The following LRP1 variants were observed in gnomAD, a reference collection of about 807,000 sequenced individuals.
LRP1 encodes LDL receptor related protein 1, also known as prolow-density lipoprotein receptor-related protein 1.
LRP1 carries 51 observed loss-of-function variants against 541.5 expected under a neutral mutation model. The ratio of observed to expected loss-of-function variants is 0.09; its 90% CI spans 0.08 to 0.12. LRP1 has a LOEUF of 0.12. Among genes scored for constraint, LRP1 ranks in the 10% least tolerant of loss-of-function variants. The pLI is 1.00. For synonymous variants in LRP1, 2,219 were observed against 2,470.8 expected, an observed-to-expected ratio of 0.90 and a Z score of 3.02; for missense variants, 3,878 against 6,376.2, an observed-to-expected ratio of 0.61 and a Z score of 13.34.
intron 15 of LRP1, chr12:57,164,460 TC>T (rs2035799692): frequency 6.6e-6 from 1 of 152,238 alleles, no homozygotes; most frequent in South Asian, 2.1e-4. Flanking sequence ...CTCAACCGTT[TC>T]TCTACTGTTG....
Position 57,194,369 on chromosome 12 carries a change from G to A in LRP1, c.7934G>A (p.Ser2645Asn). The change falls in exon 49 of 89, where the codon AGC (serine) becomes AAC (asparagine). Residue 2645 changes from serine (S) to asparagine (N), a missense_variant. Coordinates refer to ENST00000243077, the MANE Select transcript of LRP1 (RefSeq NM_002332.3). ...DEMNCSATDCSSYFRLGVKGV... is the reference protein window; with the variant it reads ...DEMNCSATDCNSYFRLGVKGV... ...CCCCCACCAGGTGCCACCGACTGCA[G>A]CAGCTACTTCCGCCTGGGCGTGAAG... The A allele has an allele frequency of 6.6e-7, 1 of 1,511,726 alleles. No individual in the cohort carries two copies. Among genetic ancestry groups the A allele is most frequent in the Non-Finnish European group, 8.8e-7 (1 of 1,131,098 alleles). The allele number at this position is 1,511,726 out of a possible 1,614,324, so 93.6% of individuals were successfully genotyped here.
chr12:57,183,942 T>C lies in LRP1; in HGVS notation c.5929+33T>C, dbSNP rs755295073. On this transcript the variant is annotated intron_variant, in intron 36 of 88. Coordinates refer to ENST00000243077, the MANE Select transcript of LRP1 (RefSeq NM_002332.3). The surrounding 1 kb of genome is among the most constrained non-coding windows in gnomAD (Gnocchi z 6.1). The stretch of plus-strand genomic sequence containing the variant: ...GTGGGCAGGTTTGTGGGGCTTGGGG[T>C]GTGGCAGAGGACTGGGGGACGAAGT... The C allele has an allele frequency of 3.1e-6, 5 of 1,612,506 alleles. No individual in the cohort carries two copies. In the East Asian group the frequency reaches 1.1e-4, roughly 36 times the overall value.
At chr12:57,195,440 G>A in intron 52 of LRP1, 41 bp downstream of exon 52, 8 of 1,595,294 alleles carry the variant, frequency 5.0e-6, no homozygotes, top group Non-Finnish European at 8.5e-7. Context: ...ACAGCAAATG[G>A]CCACAGTCTC....
Position 57,203,394 on chromosome 12 carries a change from C to A in LRP1, c.10824C>A (p.Asp3608Glu), listed in dbSNP as rs758357209. Residue 3608 changes from aspartate to glutamate, a missense_variant, in exon 70 of 89, where the codon GAC becomes GAA. This residue lies in a region of LRP1 where 278 missense variants were observed against 536.3 expected (regional missense o/e 0.52). Coordinates refer to ENST00000243077, the MANE Select transcript of LRP1 (RefSeq NM_002332.3). Reference sequence around the variant, plus strand: ...GCCTGTGCCCATGCCCACAGAAAGACTGCACCCCCCGCTGTGACATGGACC... The same window carrying A: ...GCCTGTGCCCATGCCCACAGAAAGAATGCACCCCCCGCTGTGACATGGACC... ...HDCADGSDEK[D>E]CTPRCDMDQF... 1.9e-6 allele frequency: 3 copies of A among 1,607,000 alleles called. No homozygotes were observed. The highest frequency in any genetic ancestry group is 2.6e-6 in the Non-Finnish European group (3 of 1,175,722).
rs138103421 is a variant in LRP1 at position 57,209,109 on chromosome 12, C to T, written c.12172C>T (p.Arg4058Trp). 9 of 1,613,726 alleles carry T rather than the reference C, an allele frequency of 5.6e-6. No individual in the cohort carries two copies. The highest frequency in any genetic ancestry group is 1.1e-5 in the South Asian group (1 of 91,076). Residue 4058 changes from arginine to tryptophan, a missense_variant, in exon 79 of 89, where the codon CGG (arginine) becomes TGG (tryptophan). Coordinates refer to ENST00000243077, the MANE Select transcript of LRP1 (RefSeq NM_002332.3). Reference sequence around the variant, plus strand: ...CCTGGCCGTGGATTATCACAATGAGCGGCTGTACTGGGCAGACGCCAAGCT... The same window carrying T: ...CCTGGCCGTGGATTATCACAATGAGTGGCTGTACTGGGCAGACGCCAAGCT... ...TGLAVDYHNE[R>W]LYWADAKLSV...
At position 57,145,334 on chromosome 12, in the gene LRP1, C is replaced by A. The variant is rs143713341; in HGVS notation, c.685C>A (p.Gln229Lys). ...VSTITPTSTR[Q>K]TTAMDFSYAN... Reference sequence around the variant, plus strand: ...TACCATCACACCTACGAGCACGCGGCAGACCACAGCCATGGACTTCAGCTA... The same window carrying A: ...TACCATCACACCTACGAGCACGCGGAAGACCACAGCCATGGACTTCAGCTA... The change falls in exon 6 of 89, where the codon CAG (glutamine) becomes AAG (lysine). Residue 229 changes from glutamine (Q) to lysine (K), a missense_variant. This residue lies in a region of LRP1 where 293 missense variants were observed against 403.7 expected (regional missense o/e 0.73). Coordinates refer to ENST00000243077, the MANE Select transcript of LRP1 (RefSeq NM_002332.3). 1.1e-5 allele frequency: 18 copies of A among 1,614,046 alleles called. No individual in the cohort carries two copies. In the African/African-American group the frequency reaches 2.4e-4, roughly 22 times the overall value.
chr12:57,156,347 G>A lies in LRP1; in HGVS notation c.1417+64G>A. On this transcript the variant is annotated intron_variant, in intron 9 of 88. Transcript: ENST00000243077. The surrounding 1 kb of genome is among the most constrained non-coding windows in gnomAD (Gnocchi z 5.2). Reference sequence around the variant, plus strand: ...CCCCATGATGGCTCTGGGACCTTGGGATCACAGCCCCTCTCTGGGCCCTCC... The same window carrying A: ...CCCCATGATGGCTCTGGGACCTTGGAATCACAGCCCCTCTCTGGGCCCTCC... 1.3e-6 allele frequency: 2 copies of A among 1,517,192 alleles called. No homozygotes were observed. The highest frequency in any genetic ancestry group is 1.8e-6 in the Non-Finnish European group (2 of 1,113,082). The allele number at this position is 1,517,192 out of a possible 1,614,324, so 94.0% of individuals were successfully genotyped here.
intron 19 of LRP1, chr12:57,168,143 T>C (rs1033185491): frequency 6.5e-6 from 1 of 154,006 alleles, no homozygotes; most frequent in Non-Finnish European, 1.4e-5. Flanking sequence ...TTTTTCTGTG[T>C]CTCGCATGCC....
chr12:57,157,517 A>T (rs548058153), intron 10 of LRP1, among the ~76,000 whole-genome samples: 16 of 152,362 alleles, frequency 1.1e-4, no homozygotes, highest in African/African-American at 3.8e-4. Context: ...AGGCTGAGAC[A>T]GGAGAATCAC....
chr12:57,192,930 C>T lies in LRP1; in HGVS notation c.7515C>T (p.Cys2505=). The change falls in exon 45 of 89, where the codon TGC becomes TGT. Residue 2505 remains cysteine, a synonymous_variant. Coordinates refer to ENST00000243077, the MANE Select transcript of LRP1 (RefSeq NM_002332.3). Reference sequence around the variant, plus strand: ...ACCAGGGCCATGTCAACTGCTCATGCCGAGGGGGCCGAATCCTCCAGGATG... The same window carrying T: ...ACCAGGGCCATGTCAACTGCTCATGTCGAGGGGGCCGAATCCTCCAGGATG... ...LTHQGHVNCS[C]RGGRILQDDL... 1 of 1,613,946 alleles carries T rather than the reference C, an allele frequency of 6.2e-7. No homozygotes were observed. Among genetic ancestry groups the T allele is most frequent in the Non-Finnish European group, 8.5e-7 (1 of 1,179,988 alleles).
chr12:57,203,164 C>G lies in LRP1; in HGVS notation c.10712-17C>G, dbSNP rs75290992. 807 of 1,543,276 alleles carry G rather than the reference C, an allele frequency of 5.2e-4. 5 individuals carry two copies. The East Asian group carries it at 0.012, about 22-fold the overall frequency. Reference sequence around the variant, plus strand: ...TGTGCCCACCCTCCTGGGCCTGTCTCCCCCTGTCCTTCCCAGCCCCTCGGC... The same window carrying G: ...TGTGCCCACCCTCCTGGGCCTGTCTGCCCCTGTCCTTCCCAGCCCCTCGGC... On this transcript the variant is annotated splice_polypyrimidine_tract_variant and intron_variant, in intron 68 of 88. Coordinates refer to ENST00000243077, the MANE Select transcript of LRP1 (RefSeq NM_002332.3).
In LRP1 at chr12:57,211,075, C is replaced by A; in HGVS notation, c.12917-101C>A. 1.4e-6 allele frequency: 2 copies of A among 1,425,954 alleles called. No homozygotes were observed. The highest frequency in any genetic ancestry group is 9.6e-7 in the Non-Finnish European group (1 of 1,036,948). 88.3% of individuals were successfully genotyped at this position (1,425,954 alleles called of 1,614,324 possible). A position where few individuals can be genotyped will look rare whatever the true frequency, so the allele number is the denominator to read the frequency against. On this transcript the variant is annotated intron_variant, in intron 83 of 88. Coordinates refer to ENST00000243077, the MANE Select transcript of LRP1 (RefSeq NM_002332.3). The surrounding 1 kb of genome is among the most constrained non-coding windows in gnomAD (Gnocchi z 4.3). ...GCACACTTCCCCTGAGGCAGTGCAC[C>A]CCCTGCACCAAGATTATGCAAACAG... is the stretch of plus-strand genomic sequence containing the variant.
rs763695792 is a variant in LRP1 at position 57,181,167 on chromosome 12, C to T, written c.5538C>T (p.Gly1846=). ...YDESIQLDHK[G]TNPCSVNNGD... is the part of the protein sequence containing the mutation. ...CCCACCTGCCCCCAGACCATAAGGG[C>T]ACCAACCCCTGCAGTGTCAACAACG... is the stretch of plus-strand genomic sequence containing the variant. Residue 1846 remains glycine, a synonymous_variant, in exon 34 of 89, where the codon GGC becomes GGT. Transcript: ENST00000243077. 6.2e-7 allele frequency: 1 copy of T among 1,613,214 alleles called. No homozygotes were observed. The highest frequency in any genetic ancestry group is 1.3e-5 in the African/African-American group (1 of 74,938).
At position 57,185,142 on chromosome 12, in the gene LRP1, C is replaced by G. The variant is rs2036243382; in HGVS notation, c.6400C>G (p.Leu2134Val). 1.9e-6 allele frequency: 3 copies of G among 1,614,078 alleles called. No homozygotes were observed. Among genetic ancestry groups the G allele is most frequent in the Non-Finnish European group, 2.5e-6 (3 of 1,180,040 alleles). Residue 2134 changes from leucine (L) to valine (V), a missense_variant, in exon 40 of 89, where the codon CTG becomes GTG. By Grantham distance (32) the Leu-to-Val change is conservative. Around this residue, in one of 13 missense-constraint regions of LRP1, gnomAD observed 1,100 missense variants for 1,827.4 expected, o/e 0.60. Transcript: ENST00000243077. This position sits in a 1 kb window ranked among gnomAD's most constrained non-coding sequence, Gnocchi z 4.9. ...AGACAATGCCACAGACTCCGTGCCC[C>G]TGCGAACCGGCATCGGCGTCCAGCT... ...SKDNATDSVP[L>V]RTGIGVQLKD...
chr12:57,129,575 A>G (rs930691453), intron 1 of LRP1, among the ~76,000 whole-genome samples: 2 of 152,176 alleles, frequency 1.3e-5, no homozygotes, highest in African/African-American at 4.8e-5. Context: ...TTGGGCGTGG[A>G]ATCGACCCCA....
chr12:57,167,624 T>TC, intron 19 of LRP1, 100 bp downstream of exon 19: 1 of 933,230 alleles, frequency 1.1e-6, no homozygotes, highest in Non-Finnish European at 1.7e-6. Context: ...CAGCAGGGCC[T>TC]CCCTCCAGGA....
In LRP1 at chr12:57,173,952, C is replaced by T. The variant is rs568597422; in HGVS notation, c.3519C>T (p.Gly1173=). 173 of 1,614,144 alleles carry T rather than the reference C, an allele frequency of 1.1e-4. No individual in the cohort carries two copies. The highest frequency in any genetic ancestry group is 6.6e-4 in the Middle Eastern group (4 of 6,058). Residue 1173 remains glycine (G), a synonymous_variant, in exon 22 of 89, where the codon GGC becomes GGT. Coordinates refer to ENST00000243077, the MANE Select transcript of LRP1 (RefSeq NM_002332.3). This position sits in a 1 kb window ranked among gnomAD's most constrained non-coding sequence, Gnocchi z 4.7. The stretch of plus-strand genomic sequence containing the variant: ...TGTGTGATGGCAACGACGACTGTGG[C>T]GACGGCTCAGATGAGGGCGAGCTCT... ...DKLCDGNDDC[G]DGSDEGELCD... is the part of the protein sequence containing the mutation.
At chr12:57,171,193 C>T (rs2035937849) in intron 20 of LRP1, among the ~76,000 whole-genome samples, 1 of 152,194 alleles carries the variant, frequency 6.6e-6, no homozygotes. Context: ...TCCCCTGAGC[C>T]TGGGCATCCT....
Position 57,197,616 on chromosome 12 carries a change from C to A in LRP1, c.9234C>A (p.Thr3078=). ...TGATCTACTGGACAGATGTGACCAC[C>A]CAGGGCAGCATGATCCGAAGGATGC... is the stretch of plus-strand genomic sequence containing the variant. ...EQMIYWTDVT[T]QGSMIRRMHL... Residue 3078 remains threonine, a synonymous_variant, in exon 58 of 89, where the codon ACC becomes ACA. Coordinates refer to ENST00000243077, the MANE Select transcript of LRP1 (RefSeq NM_002332.3). The surrounding 1 kb of genome is among the most constrained non-coding windows in gnomAD (Gnocchi z 4.5). 6.2e-7 allele frequency: 1 copy of A among 1,614,068 alleles called. No individual in the cohort carries two copies. Among genetic ancestry groups the A allele is most frequent in the Non-Finnish European group, 8.5e-7 (1 of 1,180,008 alleles).
Sources: allele counts gnomAD v4.1 joint callset (sites outside exome capture counted in the v4.1 genomes callset), GRCh38; gene constraint gnomAD v4.1.1; regional missense constraint gnomAD v4.1.1; non-coding constraint Gnocchi (gnomAD v3.1); transcripts MANE v1.5; gene names NCBI Gene and HGNC (gene_info 2026-07-23, HGNC 2026-07-21).